Variants in IQCJ observed in about 807,000 individuals in gnomAD.
IQCJ encodes IQ domain-containing protein J.
A neutral mutation model predicts 11.0 loss-of-function variants in IQCJ; 9 were observed. The observed-to-expected ratio is 0.82, with a 90% CI of 0.49 to 1.43. The LOEUF (loss-of-function observed/expected upper bound fraction) is 1.43. Among genes scored for constraint, IQCJ ranks in the 40% most tolerant of loss-of-function variants. The pLI, the probability that IQCJ is intolerant of heterozygous loss-of-function variation, is 0.00. For missense variants in IQCJ, 146 were observed against 133.2 expected, an observed-to-expected ratio of 1.10 and a Z score of -0.47; for synonymous variants, 55 against 51.3, an observed-to-expected ratio of 1.07 and a Z score of -0.31.
intron 1 of IQCJ, among the ~76,000 whole-genome samples, chr3:159,090,376 C>T (rs890704969): frequency 1.1e-4 from 17 of 151,828 alleles, no homozygotes; most frequent in Non-Finnish European, 7.3e-5. Flanking sequence ...GCGTCGCTCA[C>T]GCTGGGAGCT....
intron 1 of IQCJ, among the ~76,000 whole-genome samples, chr3:159,208,328 C>T (rs549405305): frequency 1.5e-4 from 23 of 152,224 alleles, no homozygotes; most frequent in African/African-American, 4.6e-4. Flanking sequence ...CTCCCTCTGT[C>T]GAGAGAGACC....
At chr3:159,128,634 C>G (rs893283783) in intron 1 of IQCJ, among the ~76,000 whole-genome samples, 1 of 152,138 alleles carries the variant, frequency 6.6e-6, no homozygotes, top group Non-Finnish European at 1.5e-5. Context: ...TGGACTCTGT[C>G]AGCCTCTCTC....
At chr3:159,079,296 C>T (rs192517430) in intron 1 of IQCJ, among the ~76,000 whole-genome samples, 127 of 152,188 alleles carry the variant, frequency 8.3e-4, no homozygotes, top group Non-Finnish European at 1.4e-3. Flanking sequence ...GTCACCTCCC[C>T]TAAAAGGGCA....
chr3:159,101,298 C>G (rs1717889535), intron 1 of IQCJ, among the ~76,000 whole-genome samples: 1 of 151,526 alleles, frequency 6.6e-6, no homozygotes, highest in African/African-American at 2.4e-5. Context: ...AACCCGGTAC[C>G]TCAGATGGAA....
intron 3 of IQCJ, among the ~76,000 whole-genome samples, chr3:159,259,674 A>T (rs1260915651): frequency 2.0e-5 from 3 of 152,236 alleles, no homozygotes; most frequent in African/African-American, 7.2e-5. Flanking sequence ...AGTAAATAAC[A>T]TGTAAACACT....
Position 159,132,473 on chromosome 3 carries a change from T to A in IQCJ, c.9+63032T>A, listed in dbSNP as rs184657102. On this transcript the variant is annotated intron_variant, in intron 1 of 3. Transcript: ENST00000397832. ...TCTGGTAATCACAAATGATTTTTTA[T>A]TATATAATTTCCAGTAGGAGAAAGA... is the stretch of plus-strand genomic sequence containing the variant. 1.1e-4 allele frequency among the ~76,000 whole-genome samples: 16 copies of A among 152,330 alleles called. 1 individual carries two copies. The East Asian group carries it at 3.1e-3, about 29-fold the overall frequency.
chr3:159,087,977 C>T (rs1716923373), intron 1 of IQCJ, among the ~76,000 whole-genome samples: 1 of 150,402 alleles, frequency 6.6e-6, no homozygotes, highest in Non-Finnish European at 1.5e-5. Flanking sequence ...AATGTGTTTG[C>T]TCTTGCTTTT....
At chr3:159,262,518 G>T in intron 3 of IQCJ, 30 bp from the exon 4 acceptor site, 1 of 1,607,752 alleles carries the variant, frequency 6.2e-7, no homozygotes, top group South Asian at 1.1e-5. Context: ...TCATGTGTGT[G>T]CTGTTTTTTG....
At position 159,249,902 on chromosome 3, in the gene IQCJ, T is replaced by TACACACACACACACAC. The variant is rs10567080; in HGVS notation, c.75-2816_75-2801dup. Among the ~76,000 whole-genome samples the TACACACACACACACAC allele has an allele frequency of 6.4e-3, 959 of 150,612 alleles. 8 individuals carry two copies. Among genetic ancestry groups the TACACACACACACACAC allele is most frequent in the Middle Eastern group, 0.017 (5 of 292 alleles). On this transcript the variant is annotated intron_variant, in intron 2 of 3. Coordinates refer to ENST00000397832, the MANE Select transcript of IQCJ (RefSeq NM_001042706.3). ...GCAGAGCCAATCAAGTGCATTTGTG[T>TACACACACACACACAC]ACACACACACACACACACACACACG...
intron 1 of IQCJ, among the ~76,000 whole-genome samples, chr3:159,228,100 C>T (rs1365110371): frequency 6.6e-6 from 1 of 152,192 alleles, no homozygotes; most frequent in African/African-American, 2.4e-5. Context: ...CTTCCTCATC[C>T]TCTACCTTTA....
chr3:159,120,976 A>C (rs1719336225), intron 1 of IQCJ, among the ~76,000 whole-genome samples: 1 of 152,032 alleles, frequency 6.6e-6, no homozygotes, highest in African/African-American at 2.4e-5. Context: ...AAAAAGCAAA[A>C]TGCAAATGCA....
At chr3:159,121,038 G>A (rs1466358492) in intron 1 of IQCJ, among the ~76,000 whole-genome samples, 1 of 152,034 alleles carries the variant, frequency 6.6e-6, no homozygotes. Context: ...GTCCCTTCTG[G>A]TAGACCTTCA....
rs1560047386 is a variant in IQCJ at position 159,262,538 on chromosome 3, G to GT, written c.156-4dup. ...TGTGTGCTGTTTTTTGTTTTGTTTT[G>GT]TTTTTTCAGCATTCAGCGAGCATGG... On this transcript the variant is annotated splice_polypyrimidine_tract_variant and intron_variant, in intron 3 of 3. Coordinates refer to ENST00000397832, the MANE Select transcript of IQCJ (RefSeq NM_001042706.3). 1.4e-5 allele frequency: 23 copies of GT among 1,610,370 alleles called. No homozygotes were observed. The highest frequency in any genetic ancestry group is 1.8e-5 in the Non-Finnish European group (21 of 1,177,950).
intron 1 of IQCJ, among the ~76,000 whole-genome samples, chr3:159,202,669 G>C (rs1278503399): frequency 6.6e-6 from 1 of 152,024 alleles, no homozygotes; most frequent in African/African-American, 2.4e-5. Flanking sequence ...TCTTTTTTAT[G>C]TATATATTTT....
At chr3:159,069,710 TC>T (rs1383528896) in intron 1 of IQCJ, 2 of 578,188 alleles carry the variant, frequency 3.5e-6, no homozygotes, top group African/African-American at 1.9e-5. Flanking sequence ...AAGCAACACT[TC>T]CTATGAACAT....
intron 1 of IQCJ, among the ~76,000 whole-genome samples, chr3:159,101,181 A>G (rs1331437534): frequency 6.8e-6 from 1 of 146,222 alleles, no homozygotes; most frequent in Non-Finnish European, 1.5e-5. Flanking sequence ...GAATTCCCTG[A>G]CCCCTTGCGC....
intron 1 of IQCJ, among the ~76,000 whole-genome samples, chr3:159,191,252 A>G (rs1436072513): frequency 6.6e-6 from 1 of 152,138 alleles, no homozygotes; most frequent in East Asian, 1.9e-4. Flanking sequence ...CTCAGGTTGG[A>G]GGAGCATGGG....
chr3:159,246,560 C>T (rs1303408707), intron 2 of IQCJ, among the ~76,000 whole-genome samples: 2 of 152,132 alleles, frequency 1.3e-5, no homozygotes, highest in Non-Finnish European at 2.9e-5. Context: ...AGAATCCTTG[C>T]TCTCAATCAC....
intron 1 of IQCJ, among the ~76,000 whole-genome samples, chr3:159,142,316 A>T (rs1720649637): frequency 6.6e-6 from 1 of 152,050 alleles, no homozygotes; most frequent in Admixed American, 6.5e-5. Context: ...AGAATATAAG[A>T]TCTTGTGTTC....
Sources: gnomAD v4.1 joint callset for allele counts (sites outside exome capture counted in the v4.1 genomes callset) on GRCh38, gnomAD v4.1.1 for gene constraint, MANE v1.5 for transcripts, NCBI Gene and HGNC (gene_info 2026-07-23, HGNC 2026-07-21) for gene names.